The following HECTD2 variants were observed in gnomAD, a reference collection of about 807,000 sequenced individuals.
HECTD2 encodes the protein probable E3 ubiquitin-protein ligase HECTD2.
In HECTD2, 35 loss-of-function variants were observed where a neutral mutation model predicts 103.2. The observed-to-expected ratio is 0.34, with a 90% CI of 0.26 to 0.45. The LOEUF (loss-of-function observed/expected upper bound fraction) is 0.45, where lower values mean the gene tolerates loss of function less well. Ranked by LOEUF, HECTD2 falls within the 20% of genes least tolerant of loss-of-function variation. The probability of loss-of-function intolerance (pLI) is 1.00; values close to 1 mark genes in which losing one functional copy is unlikely to be tolerated. For missense variants in HECTD2, 596 were observed against 937.4 expected, an observed-to-expected ratio of 0.64 and a Z score of 4.76; for synonymous variants, 281 against 329.9, an observed-to-expected ratio of 0.85 and a Z score of 1.61.
intron 20 of HECTD2, among the ~76,000 whole-genome samples, chr10:91,503,978 C>T (rs1404048207): frequency 1.3e-5 from 2 of 152,194 alleles, no homozygotes; most frequent in Non-Finnish European, 2.9e-5. Context: ...ACCTGACCCC[C>T]GAGCAGCCTA....
chr10:91,430,631 TAA>T (rs1843816365), intron 2 of HECTD2, among the ~76,000 whole-genome samples: 1 of 152,216 alleles, frequency 6.6e-6, no homozygotes, highest in South Asian at 2.1e-4. Context: ...TACCATTATG[TAA>T]TGGCCTTCTT....
rs564152257 is a variant in HECTD2 at position 91,507,076 on chromosome 10, G to C, written c.2211-5188G>C. 8.0e-3 allele frequency among the ~76,000 whole-genome samples: 1,224 copies of C among 152,068 alleles called. 6 individuals carry two copies. The highest frequency in any genetic ancestry group is 0.023 in the South Asian group (110 of 4,794). ...AAGGCCTTTGACAAAATTCAACAAC[G>C]CTTCATGCTAAAAACTCCCAATAAA... On this transcript the variant is annotated intron_variant, in intron 20 of 20. Coordinates refer to ENST00000298068, the MANE Select transcript of HECTD2 (RefSeq NM_182765.6).
At chr10:91,427,536 T>G (rs372505235) in intron 2 of HECTD2, among the ~76,000 whole-genome samples, 3 of 152,088 alleles carry the variant, frequency 2.0e-5, no homozygotes, top group Admixed American at 1.3e-4. Context: ...TTTTAATGAT[T>G]GCCATTCTAA....
chr10:91,438,959 T>C (rs1844264014), intron 2 of HECTD2, among the ~76,000 whole-genome samples: 1 of 152,200 alleles, frequency 6.6e-6, no homozygotes, highest in South Asian at 2.1e-4. Context: ...TGAAGTTCCT[T>C]GTAGATTTTG....
intron 5 of HECTD2, among the ~76,000 whole-genome samples, chr10:91,469,065 A>G (rs988037462): frequency 7.2e-5 from 11 of 152,036 alleles, no homozygotes; most frequent in Non-Finnish European, 1.5e-4. Context: ...AAAAATAAAA[A>G]ATAAAGAAGA....
chr10:91,428,060 G>A (rs1477366603), intron 2 of HECTD2, among the ~76,000 whole-genome samples: 6 of 151,532 alleles, frequency 4.0e-5, no homozygotes, highest in Non-Finnish European at 8.8e-5. Context: ...TGTATAAGGT[G>A]TAAGGAAGGG....
chr10:91,498,438 C>G (rs1209195915), intron 16 of HECTD2, among the ~76,000 whole-genome samples: 1 of 152,198 alleles, frequency 6.6e-6, no homozygotes, highest in African/African-American at 2.4e-5. Context: ...GTTACTTTCT[C>G]AGAGCTTTTT....
intron 6 of HECTD2, 135 bp downstream of exon 6, chr10:91,478,400 G>A: frequency 1.7e-6 from 1 of 589,900 alleles, no homozygotes; most frequent in East Asian, 2.9e-5. Flanking sequence ...GATGAGAAAA[G>A]AATTATAAGC....
intron 2 of HECTD2, among the ~76,000 whole-genome samples, chr10:91,459,170 A>G (rs568328546): frequency 6.6e-6 from 1 of 152,132 alleles, no homozygotes; most frequent in East Asian, 1.9e-4. Flanking sequence ...AAAATCACAC[A>G]GAAATATTAT....
At chr10:91,426,662 C>T (rs1220121563) in intron 2 of HECTD2, among the ~76,000 whole-genome samples, 1 of 151,708 alleles carries the variant, frequency 6.6e-6, no homozygotes, top group Non-Finnish European at 1.5e-5. Flanking sequence ...TTTCTATCTA[C>T]TCCATTATTT....
At chr10:91,484,840 T>C (rs1202962811) in intron 9 of HECTD2, among the ~76,000 whole-genome samples, 185 bp downstream of exon 9, 1 of 152,042 alleles carries the variant, frequency 6.6e-6, no homozygotes, top group Non-Finnish European at 1.5e-5. Flanking sequence ...AAAAAAGCTT[T>C]ATGTCTTTTA....
intron 2 of HECTD2, among the ~76,000 whole-genome samples, chr10:91,455,556 T>C (rs1845049871): frequency 6.6e-6 from 1 of 152,220 alleles, no homozygotes; most frequent in Admixed American, 6.5e-5. Flanking sequence ...TCTTTTGCTG[T>C]GCAGAAGCTC....
chr10:91,454,573 T>C (rs960607148), intron 2 of HECTD2, among the ~76,000 whole-genome samples: 5 of 151,824 alleles, frequency 3.3e-5, no homozygotes, highest in Non-Finnish European at 7.4e-5. Context: ...GTGGAAAGTG[T>C]CTTTTTTTTT....
At chr10:91,503,433 G>A (rs1846991344) in intron 20 of HECTD2, among the ~76,000 whole-genome samples, 1 of 152,216 alleles carries the variant, frequency 6.6e-6, no homozygotes, top group Non-Finnish European at 1.5e-5. Context: ...CCGTGCGCGA[G>A]CCGAAGCAGG....
In HECTD2 at chr10:91,505,974, C is replaced by G. The variant is rs1847148162; in HGVS notation, c.2210+4640C>G. Among the ~76,000 whole-genome samples, 4 of 151,152 alleles carry G rather than the reference C, an allele frequency of 2.6e-5. No homozygotes were observed. The South Asian group carries it at 8.3e-4, about 31-fold the overall frequency. ...AGAACTCAGGATTAAGAATCTCACT[C>G]AAAGCCACTCAACTACATGGAAACT... On this transcript the variant is annotated intron_variant, in intron 20 of 20. Coordinates refer to ENST00000298068, the MANE Select transcript of HECTD2 (RefSeq NM_182765.6).
chr10:91,500,394 T>TTTAA, intron 18 of HECTD2, 108 bp from the exon 19 acceptor site: 1 of 546,438 alleles, frequency 1.8e-6, no homozygotes, highest in Non-Finnish European at 3.3e-6. Context: ...TGGTTTGATT[T>TTTAA]ACTATGAGAA....
chr10:91,449,376 G>A (rs1376996752), intron 2 of HECTD2, among the ~76,000 whole-genome samples: 2 of 152,062 alleles, frequency 1.3e-5, no homozygotes, highest in Non-Finnish European at 2.9e-5. Flanking sequence ...AATAAATTAG[G>A]TATTGATGGA....
At chr10:91,510,895 G>GC (rs1159193543) in intron 20 of HECTD2, among the ~76,000 whole-genome samples, 1 of 152,106 alleles carries the variant, frequency 6.6e-6, no homozygotes, top group Non-Finnish European at 1.5e-5. Context: ...ATCTTTACCA[G>GC]CTCTCTATCC....
At chr10:91,411,463 G>A (rs1842915082) in intron 1 of HECTD2, among the ~76,000 whole-genome samples, 1 of 152,190 alleles carries the variant, frequency 6.6e-6, no homozygotes, top group Non-Finnish European at 1.5e-5. Flanking sequence ...ATGCAGCTGT[G>A]TGTGACAAAA....
Sources: gnomAD v4.1 joint callset for allele counts (sites outside exome capture counted in the v4.1 genomes callset) on GRCh38, gnomAD v4.1.1 for gene constraint, MANE v1.5 for transcripts, NCBI Gene and HGNC (gene_info 2026-07-23, HGNC 2026-07-21) for gene names.